MCCC1: variants seen among roughly 807,000 people sequenced by gnomAD.
The protein encoded by MCCC1 is methylcrotonyl-CoA carboxylase subunit 1.
A neutral mutation model predicts 83.8 loss-of-function variants in MCCC1; 64 were observed. The ratio of observed to expected loss-of-function variants is 0.76; its 90% CI spans 0.62 to 0.94. The LOEUF (loss-of-function observed/expected upper bound fraction) is 0.94, where lower values mean the gene tolerates loss of function less well. MCCC1 is among the 40% of genes least tolerant of loss of function. MCCC1 has a pLI of 0.00. For synonymous variants in MCCC1, 322 were observed against 315.4 expected, an observed-to-expected ratio of 1.02 and a Z score of -0.22; for missense variants, 807 against 904.7, an observed-to-expected ratio of 0.89 and a Z score of 1.39.
intron 5 of MCCC1, 60 bp downstream of exon 5, chr3:183,072,306 G>T: frequency 6.3e-7 from 1 of 1,596,304 alleles, no homozygotes; most frequent in Non-Finnish European, 8.6e-7. Flanking sequence ...CCACATGCCT[G>T]GCCCAAACTA....
chr3:183,058,126 TTA>T (rs1715560777), intron 7 of MCCC1, among the ~76,000 whole-genome samples: 1 of 152,176 alleles, frequency 6.6e-6, no homozygotes, highest in Non-Finnish European at 1.5e-5. Context: ...AAATTACAAA[TTA>T]TAGTCACTTC....
At chr3:183,030,347 T>A (rs1030676946) in intron 14 of MCCC1, among the ~76,000 whole-genome samples, 1 of 152,052 alleles carries the variant, frequency 6.6e-6, no homozygotes, top group Non-Finnish European at 1.5e-5. Context: ...ACAAAAAAAA[T>A]TCCCCATATA....
In MCCC1 at chr3:183,098,848, A is replaced by G. The variant is rs145191871; in HGVS notation, c.89+504T>C. 573 of 170,422 alleles carry G rather than the reference A, an allele frequency of 3.4e-3. 2 individuals carry two copies. Among genetic ancestry groups the G allele is most frequent in the African/African-American group, 0.013 (541 of 42,042 alleles). The allele number at this position is 170,422 out of a possible 1,614,324, so 10.6% of individuals were successfully genotyped here. On this transcript the variant is annotated intron_variant, in intron 1 of 18. Coordinates refer to ENST00000265594, the MANE Select transcript of MCCC1 (RefSeq NM_020166.5). ...CTTCACTCTTCTAACAATGAGAAGG[A>G]ACTCCAGGAGTCTTTCTCTGAACTG...
Position 183,040,050 on chromosome 3 carries a change from C to T in MCCC1, c.1268-915G>A, listed in dbSNP as rs112508614. Reference sequence around the variant, plus strand: ...AGTGGAGGTTGCAGTGAGCCAAAATCGTGCCATTGCACTCCAGCCTGGGCA... The same window carrying T: ...AGTGGAGGTTGCAGTGAGCCAAAATTGTGCCATTGCACTCCAGCCTGGGCA... On this transcript the variant is annotated intron_variant, in intron 11 of 18. Transcript: ENST00000265594. Among the ~76,000 whole-genome samples, 684 of 124,022 alleles carry T rather than the reference C, an allele frequency of 5.5e-3. 4 individuals are homozygous for T. The highest frequency in any genetic ancestry group is 0.02 in the African/African-American group (647 of 32,272). The allele number at this position is 124,022 out of a possible 152,430, so 81.4% of individuals were successfully genotyped here. A position where few individuals can be genotyped will look rare whatever the true frequency, so the allele number is the denominator to read the frequency against.
At position 183,071,290 on chromosome 3, in the gene MCCC1, AT is replaced by A. The variant is rs1212517901; in HGVS notation, c.558del (p.Gln186HisfsTer6). 25 of 1,614,104 alleles carry A rather than the reference AT, an allele frequency of 1.5e-5. No homozygotes were observed. Among genetic ancestry groups the A allele is most frequent in the Non-Finnish European group, 2.1e-5 (25 of 1,180,046 alleles). On this transcript the variant is annotated frameshift_variant, in exon 6 of 19. Transcript: ENST00000265594. LOFTEE classifies it high-confidence loss of function. ...GCGTGTTCCTTCAGGCACTGGTCTG[AT>A]TGGTCCTCACCATGATAACCCTCCA... ...PVVEGYHGEDQSDQCLKEHAR... is the reference protein window; with the variant it reads ...PVVEGYHGEDXSDQCLKEHAR...
intron 2 of MCCC1, 144 bp from the exon 3 acceptor site, chr3:183,092,689 GACC>G: frequency 2.1e-6 from 2 of 947,970 alleles, no homozygotes; most frequent in Admixed American, 2.2e-5. Flanking sequence ...AGCCCAAAAT[GACC>G]ACTTTAACTA....
intron 7 of MCCC1, among the ~76,000 whole-genome samples, chr3:183,066,431 A>G (rs1426751253): frequency 6.6e-6 from 1 of 152,130 alleles, no homozygotes; most frequent in African/African-American, 2.4e-5. Flanking sequence ...CAGCCTCCCA[A>G]GTAGCTGGGA....
intron 14 of MCCC1, among the ~76,000 whole-genome samples, chr3:183,027,090 T>C (rs1211270888): frequency 6.6e-6 from 1 of 152,204 alleles, no homozygotes; most frequent in Non-Finnish European, 1.5e-5. Flanking sequence ...TAAATTATTA[T>C]ATCTGTGACA....
intron 1 of MCCC1, among the ~76,000 whole-genome samples, chr3:183,097,217 G>T (rs965525982): frequency 6.6e-6 from 1 of 151,942 alleles, no homozygotes; most frequent in Non-Finnish European, 1.5e-5. Flanking sequence ...TCCGCAGTCC[G>T]GCCTGGGCGA....
intron 4 of MCCC1, among the ~76,000 whole-genome samples, chr3:183,082,998 A>C (rs1187263781): frequency 1.3e-5 from 2 of 152,120 alleles, no homozygotes; most frequent in Non-Finnish European, 2.9e-5. Context: ...TTAAAAAAAA[A>C]AGGCTAGCCT....
chr3:183,113,764 C>T (rs1190610600), intron 1 of MCCC1, among the ~76,000 whole-genome samples: 1 of 151,806 alleles, frequency 6.6e-6, no homozygotes, highest in Non-Finnish European at 1.5e-5. Context: ...AAAAGTGTTT[C>T]CCAGAGTTCT....
chr3:183,114,299 C>T (rs932452953), intron 1 of MCCC1, among the ~76,000 whole-genome samples: 2 of 152,008 alleles, frequency 1.3e-5, no homozygotes, highest in East Asian at 1.9e-4. Flanking sequence ...CTAGACCCCC[C>T]GCCCCCCTTC....
intron 11 of MCCC1, among the ~76,000 whole-genome samples, chr3:183,041,155 A>T (rs1167420705): frequency 1.3e-5 from 2 of 152,140 alleles, no homozygotes; most frequent in African/African-American, 2.4e-5. Flanking sequence ...CTGTTTCTTT[A>T]CTTTAATTTT....
intron 13 of MCCC1, among the ~76,000 whole-genome samples, chr3:183,036,785 C>T (rs1007633122): frequency 4.3e-4 from 66 of 151,898 alleles, no homozygotes; most frequent in African/African-American, 1.6e-3. Context: ...ATGATCCGCC[C>T]ACCCTGGCCT....
upstream of MCCC1, among the ~76,000 whole-genome samples, chr3:183,100,730 T>G (rs961111222): frequency 6.6e-6 from 1 of 152,250 alleles, no homozygotes; most frequent in East Asian, 1.9e-4. Flanking sequence ...TGTGACAGCG[T>G]GCTGGCAGTC....
intron 7 of MCCC1, among the ~76,000 whole-genome samples, chr3:183,062,862 T>C (rs561605976): frequency 1.3e-5 from 2 of 152,134 alleles, no homozygotes; most frequent in Non-Finnish European, 2.9e-5. Flanking sequence ...AGGAGGTGCA[T>C]CAAATCCCAG....
At chr3:183,044,987 C>T (rs1714426386) in intron 10 of MCCC1, among the ~76,000 whole-genome samples, 1 of 151,872 alleles carries the variant, frequency 6.6e-6, no homozygotes, top group Non-Finnish European at 1.5e-5. Flanking sequence ...GGGTATTTTG[C>T]ATAATGCTGG....
intron 8 of MCCC1, among the ~76,000 whole-genome samples, chr3:183,055,520 T>C (rs1429344907): frequency 6.6e-6 from 1 of 152,222 alleles, no homozygotes; most frequent in African/African-American, 2.4e-5. Flanking sequence ...TTTCTATGCA[T>C]TGCAGATATT....
At chr3:183,020,271 A>G (rs1307315974) in intron 16 of MCCC1, 34 bp from the exon 17 acceptor site, 1 of 1,462,468 alleles carries the variant, frequency 6.8e-7, no homozygotes, top group Non-Finnish European at 9.6e-7. Flanking sequence ...AACCGAATCA[A>G]CATCCTATCA....
Sources: allele counts gnomAD v4.1 joint callset (sites outside exome capture counted in the v4.1 genomes callset), GRCh38; gene constraint gnomAD v4.1.1; transcripts MANE v1.5; gene names NCBI Gene and HGNC (gene_info 2026-07-23, HGNC 2026-07-21).